The following LTBP1 variants were observed in gnomAD, a reference collection of about 807,000 sequenced individuals.
LTBP1 encodes the protein latent transforming growth factor beta binding protein 1.
Under a neutral mutation model 207.6 loss-of-function variants are expected in LTBP1, and 129 were observed. The ratio of observed to expected loss-of-function variants is 0.62; its 90% CI spans 0.54 to 0.72. The LOEUF is 0.72. Among genes scored for constraint, LTBP1 ranks in the 30% least tolerant of loss-of-function variants. The pLI is 0.00. For missense variants in LTBP1, 2,281 were observed against 2,217.2 expected (o/e 1.03, Z -0.58); for synonymous variants, 963 against 833.7 (o/e 1.16, Z -2.67).
At chr2:32,999,931 C>A (rs1177021765) in intron 2 of LTBP1, among the ~76,000 whole-genome samples, 1 of 134,412 alleles carries the variant, frequency 7.4e-6, no homozygotes, top group Admixed American at 7.6e-5. Context: ...AATGTGGTAT[C>A]TGGCACCAGG....
rs918102543 is a variant in LTBP1, at chr2:33,275,692, A to C, written c.2870-109A>C. ...AGAGCGAAACTCCATCTCAAAAAAA[A>C]AAAGAAATCAGTTACTTCGTTATTA... On this transcript the variant is annotated intron_variant, in intron 17 of 33. Transcript: ENST00000404816. 4.9e-6 allele frequency: 7 copies of C among 1,437,860 alleles called. No homozygotes were observed. In the South Asian group the frequency reaches 8.2e-5, roughly 17 times the overall value. 89.1% of individuals were successfully genotyped at this position (1,437,860 alleles called of 1,614,324 possible). A position where few individuals can be genotyped will look rare whatever the true frequency, so the allele number is the denominator to read the frequency against.
intron 5 of LTBP1, among the ~76,000 whole-genome samples, chr2:33,150,797 C>T (rs534780786): frequency 5.4e-5 from 7 of 128,668 alleles, no homozygotes; most frequent in Admixed American, 4.8e-4. Context: ...ACCTGGGAGG[C>T]GGAGGTTGGC....
intron 10 of LTBP1, among the ~76,000 whole-genome samples, chr2:33,248,409 G>C (rs767075649): frequency 6.6e-6 from 1 of 152,154 alleles, no homozygotes; most frequent in Non-Finnish European, 1.5e-5. Context: ...AACTGGATCT[G>C]TCTCACTCCA....
chr2:33,158,781 A>G (rs192587761), intron 5 of LTBP1, among the ~76,000 whole-genome samples: 32 of 152,358 alleles, frequency 2.1e-4, no homozygotes, highest in Admixed American at 4.6e-4. Flanking sequence ...ACTGCAGATC[A>G]CTGGCTTCTC....
intron 10 of LTBP1, among the ~76,000 whole-genome samples, chr2:33,246,985 C>T (rs191206995): frequency 5.1e-4 from 77 of 152,324 alleles, no homozygotes; most frequent in African/African-American, 1.8e-3. Context: ...AAAGTATCAT[C>T]TTTGCAATCC....
chr2:32,950,691 G>A (rs913452497), intron 2 of LTBP1, among the ~76,000 whole-genome samples: 3 of 152,242 alleles, frequency 2.0e-5, no homozygotes, highest in African/African-American at 7.2e-5. Flanking sequence ...AGATTGTGCT[G>A]GGCGATGCAG....
chr2:33,204,408 A>C (rs2089656454), intron 7 of LTBP1, among the ~76,000 whole-genome samples: 1 of 152,218 alleles, frequency 6.6e-6, no homozygotes, highest in South Asian at 2.1e-4. Context: ...CTTGAAGAAC[A>C]TTCTAAAATT....
intron 7 of LTBP1, among the ~76,000 whole-genome samples, chr2:33,195,217 G>A (rs976475439): frequency 6.6e-6 from 1 of 152,156 alleles, no homozygotes; most frequent in East Asian, 1.9e-4. Flanking sequence ...GGACTTTCAA[G>A]TCTTATTATT....
At chr2:33,064,151 C>A (rs1370521559) in intron 3 of LTBP1, among the ~76,000 whole-genome samples, 3 of 152,120 alleles carry the variant, frequency 2.0e-5, no homozygotes, top group African/African-American at 7.2e-5. Context: ...CTGCACCCAG[C>A]CTCTAAGTAT....
At chr2:33,031,097 T>C (rs1301630596) in intron 3 of LTBP1, among the ~76,000 whole-genome samples, 2 of 152,078 alleles carry the variant, frequency 1.3e-5, no homozygotes, top group East Asian at 1.9e-4. Context: ...AGTACTCTGG[T>C]TTTTTTTATG....
intron 3 of LTBP1, among the ~76,000 whole-genome samples, chr2:33,071,969 A>G (rs2077814063): frequency 6.6e-6 from 1 of 152,148 alleles, no homozygotes; most frequent in African/African-American, 2.4e-5. Flanking sequence ...CTTTAATTGA[A>G]TTCTGACACT....
In LTBP1 at chr2:33,275,913, C is replaced by T; in HGVS notation, c.2982C>T (p.Gly994=). The stretch of plus-strand genomic sequence containing the variant: ...GCGGGTACCGCATGACTCAGAGAGG[C>T]CGTTGTGAGGGTGAGTCAGCTGAGA... ...CDSGYRMTQR[G]RCEDIDECLN... The change falls in exon 18 of 34, where the codon GGC becomes GGT. Residue 994 remains glycine (G), a synonymous_variant. Transcript: ENST00000404816. The T allele has an allele frequency of 6.3e-7, 1 of 1,591,306 alleles. No individual in the cohort carries two copies.
At chr2:33,004,035 C>A (rs188953951) in intron 2 of LTBP1, among the ~76,000 whole-genome samples, 22 of 152,234 alleles carry the variant, frequency 1.4e-4, no homozygotes, top group African/African-American at 5.1e-4. Flanking sequence ...CCCTTGTTTT[C>A]CTTTATCTCC....
intron 8 of LTBP1, among the ~76,000 whole-genome samples, chr2:33,220,972 A>G (rs1228166928): frequency 6.6e-6 from 1 of 152,218 alleles, no homozygotes; most frequent in Non-Finnish European, 1.5e-5. Context: ...TAAAGAGCAT[A>G]TGGGGAGGCT....
rs911158052 is a variant in LTBP1 at position 33,039,286 on chromosome 2, G to A, written c.863+18080G>A. 7.8e-4 allele frequency among the ~76,000 whole-genome samples: 118 copies of A among 151,636 alleles called. 1 individual carries two copies. The highest frequency in any genetic ancestry group is 2.5e-3 in the African/African-American group (102 of 41,298). Reference sequence around the variant, plus strand: ...CATAGTTGTTGCTTTTACTCCAGTAGCATCTGACAGGAGAAAAAAAAAACA... The same window carrying A: ...CATAGTTGTTGCTTTTACTCCAGTAACATCTGACAGGAGAAAAAAAAAACA... On this transcript the variant is annotated intron_variant, in intron 3 of 33. Coordinates refer to ENST00000404816, the MANE Select transcript of LTBP1 (RefSeq NM_206943.4).
chr2:33,217,790 G>A, intron 8 of LTBP1, 136 bp downstream of exon 8: 1 of 594,146 alleles, frequency 1.7e-6, no homozygotes, highest in Non-Finnish European at 2.8e-6. Flanking sequence ...ACTATGATGT[G>A]CATTTCCAGA....
At chr2:32,987,211 G>A (rs2148809109) in intron 2 of LTBP1, among the ~76,000 whole-genome samples, 1 of 152,300 alleles carries the variant, frequency 6.6e-6, no homozygotes, top group South Asian at 2.1e-4. Flanking sequence ...GATGGGGTGG[G>A]TATAGTTGCA....
intron 2 of LTBP1, among the ~76,000 whole-genome samples, chr2:33,018,811 A>G (rs1456790684): frequency 2.0e-5 from 3 of 152,052 alleles, no homozygotes; most frequent in Non-Finnish European, 4.4e-5. Flanking sequence ...AACACACACA[A>G]GTGCAGAGGC....
chr2:33,195,755 A>C (rs1241221500), intron 7 of LTBP1, among the ~76,000 whole-genome samples: 2 of 152,228 alleles, frequency 1.3e-5, no homozygotes, highest in African/African-American at 2.4e-5. Context: ...CAGTTCTAGC[A>C]TGGGTCAAAT....
Sources: allele counts gnomAD v4.1 joint callset (sites outside exome capture counted in the v4.1 genomes callset), GRCh38; gene constraint gnomAD v4.1.1; transcripts MANE v1.5; gene names NCBI Gene and HGNC (gene_info 2026-07-23, HGNC 2026-07-21).